KIAA0319: variants seen among roughly 807,000 people sequenced by gnomAD.
KIAA0319 encodes dyslexia-associated protein KIAA0319.
In KIAA0319, 83 loss-of-function variants were observed where a neutral mutation model predicts 108.4. That is an observed-to-expected ratio of 0.77 (90% CI 0.64 to 0.92). The LOEUF (loss-of-function observed/expected upper bound fraction) is 0.92. KIAA0319 is among the 40% of genes least tolerant of loss of function. The probability of loss-of-function intolerance (pLI) is 0.00; values close to 1 mark genes in which losing one functional copy is unlikely to be tolerated. For missense variants in KIAA0319, 1,195 were observed against 1,322.4 expected (o/e 0.90, Z 1.49); for synonymous variants, 484 against 510.4 (o/e 0.95, Z 0.70).
intron 1 of KIAA0319, among the ~76,000 whole-genome samples, chr6:24,634,953 G>T (rs1167564460): frequency 6.6e-6 from 1 of 152,116 alleles, no homozygotes; most frequent in African/African-American, 2.4e-5. Flanking sequence ...AACATGTAAG[G>T]GAACAGTCAA....
chr6:24,576,343 T>C, intron 10 of KIAA0319, 25 bp downstream of exon 10: 1 of 1,586,154 alleles, frequency 6.3e-7, no homozygotes, highest in African/African-American at 1.3e-5. Flanking sequence ...CAGACAAAAG[T>C]CTGAAGGCAG....
At chr6:24,623,079 C>T (rs868099121) in intron 1 of KIAA0319, among the ~76,000 whole-genome samples, 2 of 151,924 alleles carry the variant, frequency 1.3e-5, no homozygotes, top group African/African-American at 4.8e-5. Context: ...GAGATTAAGT[C>T]ACTTGCTCAG....
intron 1 of KIAA0319, among the ~76,000 whole-genome samples, chr6:24,634,947 T>C (rs907797590): frequency 1.3e-5 from 2 of 152,052 alleles, no homozygotes; most frequent in Non-Finnish European, 2.9e-5. Context: ...AAAAGAAACA[T>C]GTAAGGGAAC....
chr6:24,571,679 A>G (rs999585396), intron 11 of KIAA0319, among the ~76,000 whole-genome samples: 1 of 152,068 alleles, frequency 6.6e-6, no homozygotes, highest in African/African-American at 2.4e-5. Flanking sequence ...AAATCTTCGA[A>G]TGTACCAGAC....
intron 1 of KIAA0319, among the ~76,000 whole-genome samples, chr6:24,604,871 G>C (rs186752635): frequency 6.6e-6 from 1 of 151,912 alleles, no homozygotes; most frequent in African/African-American, 2.4e-5. Flanking sequence ...ACAGAGTTTC[G>C]CTCTTGTCAC....
intron 1 of KIAA0319, among the ~76,000 whole-genome samples, chr6:24,613,208 C>A (rs917026122): frequency 3.9e-5 from 6 of 151,950 alleles, no homozygotes; most frequent in African/African-American, 1.5e-4. Context: ...GTGAGTAACA[C>A]CAGAGAGCAG....
chr6:24,645,495 T>TA (rs918671394), intron 1 of KIAA0319: 2 of 152,176 alleles, frequency 1.3e-5, no homozygotes, highest in South Asian at 2.1e-4. Context: ...TCCTTACTTC[T>TA]AAAAAAATGC....
chr6:24,597,306 A>G (rs2127525974), intron 2 of KIAA0319, among the ~76,000 whole-genome samples: 1 of 152,344 alleles, frequency 6.6e-6, no homozygotes, highest in African/African-American at 2.4e-5. Flanking sequence ...ATAAATTGAC[A>G]GGGAAGCAAA....
intron 1 of KIAA0319, among the ~76,000 whole-genome samples, chr6:24,602,662 G>A (rs372573958): frequency 6.6e-5 from 10 of 152,116 alleles, no homozygotes; most frequent in Admixed American, 3.9e-4. Flanking sequence ...TTAGCTGGGC[G>A]TGGTGGCGGG....
chr6:24,622,160 C>T (rs1178569359), intron 1 of KIAA0319, among the ~76,000 whole-genome samples: 1 of 152,030 alleles, frequency 6.6e-6, no homozygotes, highest in Non-Finnish European at 1.5e-5. Flanking sequence ...GGAAACCTGA[C>T]CAGACACCTC....
chr6:24,629,138 T>C (rs1165046641), intron 1 of KIAA0319, among the ~76,000 whole-genome samples: 1 of 152,158 alleles, frequency 6.6e-6, no homozygotes. Context: ...GCCATCTACC[T>C]TATAGTGAGA....
chr6:24,598,420 A>C (rs1224290870), intron 2 of KIAA0319: 2 of 592,670 alleles, frequency 3.4e-6, no homozygotes, highest in African/African-American at 3.7e-5. Context: ...GCAGCAGCAG[A>C]AGACAGTTTG....
Position 24,582,234 on chromosome 6 carries a change from T to A in KIAA0319, c.1191+15A>T, listed in dbSNP as rs752386222. 1 of 1,430,218 alleles carries A rather than the reference T, an allele frequency of 7.0e-7. No homozygotes were observed. Among genetic ancestry groups the A allele is most frequent in the South Asian group, 1.1e-5 (1 of 87,334 alleles). 88.6% of individuals were successfully genotyped at this position (1,430,218 alleles called of 1,614,324 possible). ...ACGCTGTGCTGTTAGACACAACCAG[T>A]CTCCAGTTACTTACTTGAGAGAGGT... On this transcript the variant is annotated intron_variant, in intron 6 of 20. Transcript: ENST00000378214.
intron 13 of KIAA0319, among the ~76,000 whole-genome samples, chr6:24,567,793 G>C (rs904970718): frequency 1.3e-5 from 2 of 152,090 alleles, no homozygotes; most frequent in African/African-American, 2.4e-5. Flanking sequence ...ACAACACTGG[G>C]GTACAGTGGG....
chr6:24,569,147 G>A (rs1403979881), intron 12 of KIAA0319, among the ~76,000 whole-genome samples: 3 of 152,156 alleles, frequency 2.0e-5, no homozygotes, highest in Non-Finnish European at 4.4e-5. Flanking sequence ...ACTGGGAAGA[G>A]AATATTTGTT....
Position 24,617,530 on chromosome 6 carries a change from CG to C in KIAA0319, c.-105-16323del, listed in dbSNP as rs559087763. ...ACAAAGAGGGAGCTAGAAAGCAGAGCGGAAAGCTGATGGTGAAGCTGAAGCT... is the reference window on the plus strand; with the variant it reads ...ACAAAGAGGGAGCTAGAAAGCAGAGCGAAAGCTGATGGTGAAGCTGAAGCT... On this transcript the variant is annotated intron_variant, in intron 1 of 20. Transcript: ENST00000378214. 2.7e-3 allele frequency among the ~76,000 whole-genome samples: 412 copies of C among 152,122 alleles called. 8 individuals are homozygous for C. Among genetic ancestry groups the C allele is most frequent in the Admixed American group, 0.02 (305 of 15,272 alleles).
chr6:24,547,022 TC>T lies in KIAA0319; in HGVS notation c.*142del. The T allele has an allele frequency of 1.2e-6, 1 of 800,210 alleles. No individual in the cohort carries two copies. Among genetic ancestry groups the T allele is most frequent in the Non-Finnish European group, 2.0e-6 (1 of 503,294 alleles). The allele number at this position is 800,210 out of a possible 1,614,324, so 49.6% of individuals were successfully genotyped here. On this transcript the variant is annotated 3_prime_UTR_variant, in exon 21 of 21. Coordinates refer to ENST00000378214, the MANE Select transcript of KIAA0319 (RefSeq NM_014809.4). ...TTTGTTTTGTGCCTTCAAAAACCGG[TC>T]TTTTAGTACGTGGGGATACACATCT...
intron 1 of KIAA0319, among the ~76,000 whole-genome samples, chr6:24,645,320 G>A (rs1404626612): frequency 6.6e-6 from 1 of 152,140 alleles, no homozygotes; most frequent in Admixed American, 6.5e-5. Context: ...AAAATTTCAG[G>A]TTTATCCTCC....
At chr6:24,557,499 A>G (rs1477075076) in intron 17 of KIAA0319, among the ~76,000 whole-genome samples, 1 of 152,248 alleles carries the variant, frequency 6.6e-6, no homozygotes, top group Non-Finnish European at 1.5e-5. Flanking sequence ...GGACAGAGCT[A>G]GACTCAAAAA....
Sources: gnomAD v4.1 joint callset for allele counts (sites outside exome capture counted in the v4.1 genomes callset) on GRCh38, gnomAD v4.1.1 for gene constraint, MANE v1.5 for transcripts, NCBI Gene and HGNC (gene_info 2026-07-23, HGNC 2026-07-21) for gene names.